The following TTC7B variants were observed in gnomAD, a reference collection of about 807,000 sequenced individuals.
TTC7B encodes the protein tetratricopeptide repeat domain 7B, also known as tetratricopeptide repeat protein 7B.
A neutral mutation model predicts 106.8 loss-of-function variants in TTC7B; 28 were observed. The observed-to-expected ratio is 0.26, with a 90% CI of 0.19 to 0.36. TTC7B has a LOEUF of 0.36. Ranked by LOEUF, TTC7B falls within the 10% of genes least tolerant of loss-of-function variation. TTC7B has a pLI of 1.00. For synonymous variants in TTC7B, 405 were observed against 430.6 expected, an observed-to-expected ratio of 0.94 and a Z score of 0.74; for missense variants, 862 against 1,076.4, an observed-to-expected ratio of 0.80 and a Z score of 2.79.
At chr14:90,551,855 G>C (rs1890093890) in intron 19 of TTC7B, among the ~76,000 whole-genome samples, 1 of 152,202 alleles carries the variant, frequency 6.6e-6, no homozygotes, top group South Asian at 2.1e-4. Context: ...GCAGCCCTGA[G>C]CCCCACCCCG....
Position 90,578,084 on chromosome 14 carries a change from A to T in TTC7B, c.2310+22T>A, listed in dbSNP as rs1458001765. ...CTGTCCCCATGCCAGAGTAGGGGCC[A>T]CCGCCGGGCTCGTGGACTCACCAGT... On this transcript the variant is annotated intron_variant, in intron 19 of 19. Coordinates refer to ENST00000328459, the MANE Select transcript of TTC7B (RefSeq NM_001010854.2). The surrounding 1 kb of genome is among the most constrained non-coding windows in gnomAD (Gnocchi z 4.7). The T allele has an allele frequency of 3.8e-6, 6 of 1,588,854 alleles. No homozygotes were observed. The East Asian group carries it at 1.4e-4, about 36-fold the overall frequency.
At position 90,532,152 on chromosome 14, in the gene TTC7B, G is replaced by C. The variant is rs1195594442; in HGVS notation, c.*9216C>G. 6.6e-6 allele frequency: 1 copy of C among 152,180 alleles called. No individual in the cohort carries two copies. Among genetic ancestry groups the C allele is most frequent in the Non-Finnish European group, 1.5e-5 (1 of 68,032 alleles). 9.4% of individuals were successfully genotyped at this position (152,180 alleles called of 1,614,324 possible). A position where few individuals can be genotyped will look rare whatever the true frequency, so the allele number is the denominator to read the frequency against. ...ACTGTACTCCAGCCTCGGTGACAGAGCAAGACCCCATCTCAAGTAGAACAA... is the reference window on the plus strand; with the variant it reads ...ACTGTACTCCAGCCTCGGTGACAGACCAAGACCCCATCTCAAGTAGAACAA... On this transcript the variant is annotated 3_prime_UTR_variant, in exon 20 of 20. Coordinates refer to ENST00000328459, the MANE Select transcript of TTC7B (RefSeq NM_001010854.2).
At chr14:90,692,185 A>G (rs1887501624) in intron 6 of TTC7B, among the ~76,000 whole-genome samples, 1 of 152,190 alleles carries the variant, frequency 6.6e-6, no homozygotes, top group Non-Finnish European at 1.5e-5. Context: ...ATCCATGTAC[A>G]AGTTTTTGTT....
chr14:90,627,781 A>G (rs572679497), intron 15 of TTC7B, among the ~76,000 whole-genome samples: 1 of 152,324 alleles, frequency 6.6e-6, no homozygotes, highest in Admixed American at 6.5e-5. Context: ...AACAACTGAC[A>G]TAGTTAGCTG....
At chr14:90,551,419 G>C (rs1890075055) in intron 19 of TTC7B, among the ~76,000 whole-genome samples, 2 of 152,108 alleles carry the variant, frequency 1.3e-5, no homozygotes, top group Non-Finnish European at 2.9e-5. Flanking sequence ...CTGACCTGAG[G>C]AAAATGAGGA....
Position 90,608,064 on chromosome 14 carries a change from C to T in TTC7B, c.1966+2678G>A, listed in dbSNP as rs1892718843. Among the ~76,000 whole-genome samples the T allele has an allele frequency of 7.0e-6, 1 of 142,884 alleles. No individual in the cohort carries two copies. Among genetic ancestry groups the T allele is most frequent in the East Asian group, 2.1e-4 (1 of 4,694 alleles). 93.7% of individuals were successfully genotyped at this position (142,884 alleles called of 152,430 possible). On this transcript the variant is annotated intron_variant, in intron 17 of 19. Transcript: ENST00000328459. This position sits in a 1 kb window ranked among gnomAD's most constrained non-coding sequence, Gnocchi z 5.1. ...AATCAAATCAAGGTGAGGGAATAAA[C>T]AATCTGTGTTGTGGGTGGTTCGCAA...
chr14:90,676,991 C>T (rs1270025303), intron 8 of TTC7B, among the ~76,000 whole-genome samples: 1 of 152,194 alleles, frequency 6.6e-6, no homozygotes, highest in Non-Finnish European at 1.5e-5. Context: ...GAAGACGCAG[C>T]TGCGCTCTAG....
At chr14:90,814,103 G>A (rs751489070) in intron 1 of TTC7B, among the ~76,000 whole-genome samples, 2 of 152,200 alleles carry the variant, frequency 1.3e-5, no homozygotes, top group African/African-American at 4.8e-5. Flanking sequence ...TATGTCCCAT[G>A]AGTTTCCCCA....
intron 5 of TTC7B, among the ~76,000 whole-genome samples, chr14:90,724,146 A>G (rs993655553): frequency 8.6e-5 from 13 of 151,436 alleles, no homozygotes; most frequent in African/African-American, 3.2e-4. Flanking sequence ...CCAAATCTTC[A>G]CTCCCCTTTC....
intron 17 of TTC7B, among the ~76,000 whole-genome samples, chr14:90,604,543 G>C (rs1892562733): frequency 6.6e-6 from 1 of 152,176 alleles, no homozygotes; most frequent in Non-Finnish European, 1.5e-5. Context: ...GCCATCAAAA[G>C]ATATGCACAT....
chr14:90,574,493 GAC>G (rs781254825), intron 19 of TTC7B, among the ~76,000 whole-genome samples: 6 of 152,176 alleles, frequency 3.9e-5, no homozygotes, highest in Non-Finnish European at 7.3e-5. Context: ...CATGAATTTA[GAC>G]ACATACATGA....
chr14:90,695,755 A>T (rs943084736), intron 5 of TTC7B, among the ~76,000 whole-genome samples, 177 bp from the exon 6 acceptor site: 4 of 152,204 alleles, frequency 2.6e-5, no homozygotes, highest in African/African-American at 9.7e-5. Context: ...CCTAAGATTG[A>T]TGGCCTTTTG....
intron 4 of TTC7B, among the ~76,000 whole-genome samples, chr14:90,737,059 C>T (rs1282435309): frequency 6.6e-6 from 1 of 151,842 alleles, no homozygotes; most frequent in East Asian, 1.9e-4. Flanking sequence ...CAACTATATA[C>T]AGATTCAAAA....
intron 18 of TTC7B, among the ~76,000 whole-genome samples, chr14:90,592,708 CAA>C (rs532130582): frequency 1.0e-4 from 12 of 118,420 alleles, no homozygotes; most frequent in African/African-American, 9.6e-5. Flanking sequence ...GACTCTGTCT[CAA>C]AAAAAAAAAA....
At chr14:90,798,519 T>A (rs1463058725) in intron 1 of TTC7B, among the ~76,000 whole-genome samples, 2 of 152,082 alleles carry the variant, frequency 1.3e-5, no homozygotes, top group African/African-American at 4.8e-5. Flanking sequence ...GAGACCAGCC[T>A]GGCCAACATG....
intron 5 of TTC7B, among the ~76,000 whole-genome samples, chr14:90,712,514 A>G (rs1412775286): frequency 6.6e-6 from 1 of 152,236 alleles, no homozygotes; most frequent in South Asian, 2.1e-4. Flanking sequence ...AAATGAAATT[A>G]AGAAAGCAAT....
intron 5 of TTC7B, among the ~76,000 whole-genome samples, chr14:90,704,006 C>T (rs1356316724): frequency 6.6e-6 from 1 of 152,172 alleles, no homozygotes; most frequent in East Asian, 1.9e-4. Flanking sequence ...GGGAACATGG[C>T]AAGGGGAACA....
At position 90,759,504 on chromosome 14, in the gene TTC7B, GCCA is replaced by G. The variant is rs1890428677; in HGVS notation, c.446-14585_446-14583del. On this transcript the variant is annotated intron_variant, in intron 3 of 19. Coordinates refer to ENST00000328459, the MANE Select transcript of TTC7B (RefSeq NM_001010854.2). This position sits in a 1 kb window ranked among gnomAD's most constrained non-coding sequence, Gnocchi z 4.1. ...AACCCTAAGAATAAAAACTACAGCGGCCACCACCACACATTGCAGAGGCGAAAA... is the reference window on the plus strand; with the variant it reads ...AACCCTAAGAATAAAAACTACAGCGGCCACCACACATTGCAGAGGCGAAAA... Among the ~76,000 whole-genome samples, 2 of 152,140 alleles carry G rather than the reference GCCA, an allele frequency of 1.3e-5. No homozygotes were observed.
intron 15 of TTC7B, among the ~76,000 whole-genome samples, chr14:90,633,391 A>G (rs760290564): frequency 6.6e-6 from 1 of 152,232 alleles, no homozygotes; most frequent in Admixed American, 6.5e-5. Flanking sequence ...AGGGCAAGAA[A>G]GTTAAATTCT....
Sources: gnomAD v4.1 joint callset for allele counts (sites outside exome capture counted in the v4.1 genomes callset) on GRCh38, gnomAD v4.1.1 for gene constraint, Gnocchi (gnomAD v3.1) non-coding constraint, MANE v1.5 for transcripts, NCBI Gene and HGNC (gene_info 2026-07-23, HGNC 2026-07-21) for gene names.